FBXO46: variants seen among roughly 807,000 people sequenced by gnomAD.
FBXO46 encodes the protein F-box protein 46.
A neutral mutation model predicts 30.7 loss-of-function variants in FBXO46; 13 were observed. The observed-to-expected ratio is 0.42, with a 90% CI of 0.28 to 0.67. The LOEUF is 0.67. FBXO46 is among the 30% of genes least tolerant of loss of function. FBXO46 has a pLI of 0.21. For missense variants in FBXO46, 754 were observed against 871.5 expected (o/e 0.87, Z 1.70); for synonymous variants, 467 against 385.8 (o/e 1.21, Z -2.47).
chr19:45,718,962 C>T (rs1033569855), intron 1 of FBXO46, among the ~76,000 whole-genome samples: 1 of 138,026 alleles, frequency 7.2e-6, no homozygotes, highest in African/African-American at 2.9e-5. Context: ...AAAAAAAAAA[C>T]TTGGCCAGGC....
rs1421369368 is a variant in FBXO46, at chr19:45,711,680, G to A, written c.*4C>T. 1.5e-6 allele frequency: 2 copies of A among 1,342,634 alleles called. No homozygotes were observed. Among genetic ancestry groups the A allele is most frequent in the Non-Finnish European group, 2.0e-6 (2 of 976,140 alleles). The allele number at this position is 1,342,634 out of a possible 1,614,324, so 83.2% of individuals were successfully genotyped here. A position where few individuals can be genotyped will look rare whatever the true frequency, so the allele number is the denominator to read the frequency against. On this transcript the variant is annotated 3_prime_UTR_variant, in exon 2 of 2. Coordinates refer to ENST00000317683, the MANE Select transcript of FBXO46 (RefSeq NM_001080469.2). The stretch of plus-strand genomic sequence containing the variant: ...GGTGGGCTCTCCCCTCCCCTCCCCC[G>A]GCTTCACCTCCCCTCCTCCCGGCCG...
intron 1 of FBXO46, among the ~76,000 whole-genome samples, chr19:45,722,711 G>C (rs572421286): frequency 6.6e-6 from 1 of 151,114 alleles, no homozygotes; most frequent in African/African-American, 2.4e-5. Context: ...GCAGTGAGCC[G>C]AGATTGCGCC....
rs1275403210 is a variant in FBXO46, at chr19:45,710,650, A to T, written c.*1034T>A. 6.6e-6 allele frequency: 1 copy of T among 152,250 alleles called. No homozygotes were observed. Among genetic ancestry groups the T allele is most frequent in the Non-Finnish European group, 1.5e-5 (1 of 68,084 alleles). The allele number at this position is 152,250 out of a possible 1,614,324, so 9.4% of individuals were successfully genotyped here. A position where few individuals can be genotyped will look rare whatever the true frequency, so the allele number is the denominator to read the frequency against. ...AGCCTTATAAATATTGATTTTATAG[A>T]AAGGACCAATTCAAAATTGGTCAGA... On this transcript the variant is annotated 3_prime_UTR_variant, in exon 2 of 2. Transcript: ENST00000317683.
chr19:45,732,045 A>G (rs1354654883), upstream of FBXO46, among the ~76,000 whole-genome samples: 1 of 151,170 alleles, frequency 6.6e-6, no homozygotes, highest in East Asian at 2.0e-4. Context: ...TGAACCCAGG[A>G]GGCGGAGCTT....
chr19:45,729,865 G>A (rs1968285954), intron 1 of FBXO46, among the ~76,000 whole-genome samples: 1 of 152,184 alleles, frequency 6.6e-6, no homozygotes, highest in East Asian at 1.9e-4. Flanking sequence ...ATCAGTGCCA[G>A]CTTTTGAGAA....
In FBXO46 at chr19:45,711,522, G is replaced by T. The variant is rs2146141186; in HGVS notation, c.*162C>A. On this transcript the variant is annotated 3_prime_UTR_variant, in exon 2 of 2. Transcript: ENST00000317683. ...AGAAAATCAACAGGATCAAGCAGAG[G>T]GCTTTCCTGGGTCACCCCTGCTGAA... The T allele has an allele frequency of 1.4e-6, 1 of 711,298 alleles. No homozygotes were observed. The highest frequency in any genetic ancestry group is 2.5e-6 in the Non-Finnish European group (1 of 393,732). The allele number at this position is 711,298 out of a possible 1,614,324, so 44.1% of individuals were successfully genotyped here. A position where few individuals can be genotyped will look rare whatever the true frequency, so the allele number is the denominator to read the frequency against.
intron 1 of FBXO46, among the ~76,000 whole-genome samples, chr19:45,725,602 T>TG (rs1199438171): frequency 6.6e-6 from 1 of 151,100 alleles, no homozygotes; most frequent in Non-Finnish European, 1.5e-5. Flanking sequence ...GGCATGGTGG[T>TG]GTGCGCCTGC....
intron 1 of FBXO46, among the ~76,000 whole-genome samples, chr19:45,729,800 C>T (rs186844587): frequency 6.6e-6 from 1 of 152,348 alleles, no homozygotes; most frequent in African/African-American, 2.4e-5. Flanking sequence ...TAAGCGTTAG[C>T]TGTAATCCAC....
chr19:45,719,650 G>C (rs1294357052), intron 1 of FBXO46, among the ~76,000 whole-genome samples: 4 of 152,128 alleles, frequency 2.6e-5, no homozygotes, highest in Non-Finnish European at 5.9e-5. Flanking sequence ...TACATCCCTA[G>C]CATACATACA....
chr19:45,716,284 C>G (rs561485068), intron 1 of FBXO46: 1 of 152,170 alleles, frequency 6.6e-6, no homozygotes. Flanking sequence ...GTATAACCAA[C>G]TGCCCAGGGA....
chr19:45,718,127 C>T (rs1476351064), intron 1 of FBXO46, among the ~76,000 whole-genome samples: 2 of 152,160 alleles, frequency 1.3e-5, no homozygotes, highest in African/African-American at 4.8e-5. Flanking sequence ...CCAGTCGCAT[C>T]CCTCCCCACT....
chr19:45,731,597 G>A (rs182215075), upstream of FBXO46, among the ~76,000 whole-genome samples: 1,007 of 151,486 alleles, frequency 6.6e-3, 9 homozygotes, highest in African/African-American at 0.022. Flanking sequence ...TTACAGGCGT[G>A]AGCCACCGCG....
upstream of FBXO46, among the ~76,000 whole-genome samples, chr19:45,732,654 C>T (rs1261278479): frequency 8.2e-6 from 1 of 122,010 alleles, no homozygotes; most frequent in Non-Finnish European, 1.6e-5. Context: ...AGTGCAGTGG[C>T]GATACCAGCT....
At chr19:45,725,429 CAAAT>C (rs962384135) in intron 1 of FBXO46, among the ~76,000 whole-genome samples, 1 of 151,530 alleles carries the variant, frequency 6.6e-6, no homozygotes, top group Non-Finnish European at 1.5e-5. Flanking sequence ...AATAAATGAA[CAAAT>C]AAATAAATAA....
chr19:45,732,532 C>CAAA (rs36071960), upstream of FBXO46, among the ~76,000 whole-genome samples: 5,776 of 65,314 alleles, frequency 0.088, 643 homozygotes, highest in African/African-American at 0.22. Flanking sequence ...TCGTCTCTAC[C>CAAA]AAAAAAAAAA....
In FBXO46 at chr19:45,713,277, G is replaced by C. The variant is rs759318995; in HGVS notation, c.219C>G (p.Leu73=). ...EVPASQPAPL[L]SAAAAGDEGR... is the part of the protein sequence containing the mutation. The stretch of plus-strand genomic sequence containing the variant: ...CCTCATCACCAGCAGCTGCTGCTGA[G>C]AGGAGCGGAGCCGGCTGGGAGGCAG... The change falls in exon 2 of 2, where the codon CTC becomes CTG. Residue 73 remains leucine, a synonymous_variant. Transcript: ENST00000317683. The surrounding 1 kb of genome is among the most constrained non-coding windows in gnomAD (Gnocchi z 4.7). 1.2e-6 allele frequency: 2 copies of C among 1,613,922 alleles called. No individual in the cohort carries two copies. The highest frequency in any genetic ancestry group is 1.7e-6 in the Non-Finnish European group (2 of 1,179,862).
upstream of FBXO46, among the ~76,000 whole-genome samples, chr19:45,732,637 A>C (rs1479040771): frequency 8.8e-6 from 1 of 113,134 alleles, no homozygotes; most frequent in Non-Finnish European, 1.6e-5. Flanking sequence ...TCTGTCGCCC[A>C]GGCTGGAGTG....
chr19:45,729,072 G>A (rs984664375), intron 1 of FBXO46, among the ~76,000 whole-genome samples: 8 of 150,720 alleles, frequency 5.3e-5, no homozygotes, highest in Non-Finnish European at 8.9e-5. Flanking sequence ...ATTGCACTCC[G>A]CCTGGGCAAC....
chr19:45,712,560 G>T lies in FBXO46; in HGVS notation c.936C>A (p.Ile312=), dbSNP rs1202761896. Residue 312 remains isoleucine (I), a synonymous_variant, in exon 2 of 2, where the codon ATC becomes ATA. Coordinates refer to ENST00000317683, the MANE Select transcript of FBXO46 (RefSeq NM_001080469.2). This position sits in a 1 kb window ranked among gnomAD's most constrained non-coding sequence, Gnocchi z 8.8. ...TGGGGAGGGCATCCCGCGAGGGGCTGATGAGCTGGTATAAGTCACATGTGA... is the reference window on the plus strand; with the variant it reads ...TGGGGAGGGCATCCCGCGAGGGGCTTATGAGCTGGTATAAGTCACATGTGA... ...DKITCDLYQL[I]SPSRDALPSN... is the part of the protein sequence containing the mutation. The T allele has an allele frequency of 5.6e-6, 9 of 1,595,480 alleles. No individual in the cohort carries two copies. The South Asian group carries it at 9.0e-5, about 16-fold the overall frequency.
Sources: allele counts gnomAD v4.1 joint callset (sites outside exome capture counted in the v4.1 genomes callset), GRCh38; gene constraint gnomAD v4.1.1; non-coding constraint Gnocchi (gnomAD v3.1); transcripts MANE v1.5; gene names NCBI Gene and HGNC (gene_info 2026-07-23, HGNC 2026-07-21).